Variants in CREB3L2 observed in about 807,000 individuals in gnomAD.
The protein encoded by CREB3L2 is cAMP responsive element binding protein 3 like 2, also known as cyclic AMP-responsive element-binding protein 3-like protein 2.
CREB3L2 carries 23 observed loss-of-function variants against 57.2 expected under a neutral mutation model. That is an observed-to-expected ratio of 0.40 (90% CI 0.29 to 0.57). The LOEUF (loss-of-function observed/expected upper bound fraction) is 0.57, where lower values mean the gene tolerates loss of function less well. Among genes scored for constraint, CREB3L2 ranks in the 20% least tolerant of loss-of-function variants. The pLI is 0.42. For missense variants in CREB3L2, 628 were observed against 634.7 expected (o/e 0.99, Z 0.11); for synonymous variants, 268 against 265.1 (o/e 1.01, Z -0.11).
Position 137,903,891 on chromosome 7 carries a change from T to C in CREB3L2, c.974+68A>G, listed in dbSNP as rs763213314. On this transcript the variant is annotated intron_variant, in intron 7 of 11. Transcript: ENST00000330387. ...GAGGAATTGAACTGCTTCTCCCCGA[T>C]TCTCCGCACACCCATATTTCCCTGT... is the stretch of plus-strand genomic sequence containing the variant. The C allele has an allele frequency of 3.8e-5, 50 of 1,326,062 alleles. No homozygotes were observed. In the Middle Eastern group the frequency reaches 5.5e-4, roughly 15 times the overall value. The allele number at this position is 1,326,062 out of a possible 1,614,324, so 82.1% of individuals were successfully genotyped here.
intron 1 of CREB3L2, among the ~76,000 whole-genome samples, chr7:137,979,922 C>T (rs546208283): frequency 8.5e-5 from 13 of 152,310 alleles, no homozygotes; most frequent in African/African-American, 3.1e-4. Flanking sequence ...GAGGCCACAT[C>T]AGTTTCTTGG....
Position 138,001,899 on chromosome 7 carries a change from T to C in CREB3L2, c.-194A>G, listed in dbSNP as rs548722269. ...GATGGCCAAGCGCTCCCGTCCGGTG[T>C]CCTCGGAGATCCGAGAATCCCCAGG... On this transcript the variant is annotated 5_prime_UTR_variant, in exon 1 of 12. Coordinates refer to ENST00000330387, the MANE Select transcript of CREB3L2 (RefSeq NM_194071.4). This position sits in a 1 kb window ranked among gnomAD's most constrained non-coding sequence, Gnocchi z 4.2. The C allele has an allele frequency of 4.4e-6, 2 of 457,494 alleles. No individual in the cohort carries two copies. Among genetic ancestry groups the C allele is most frequent in the South Asian group, 7.6e-5 (2 of 26,348 alleles). 28.3% of individuals were successfully genotyped at this position (457,494 alleles called of 1,614,324 possible). A position where few individuals can be genotyped will look rare whatever the true frequency, so the allele number is the denominator to read the frequency against.
chr7:137,934,328 A>C (rs1800732386), intron 1 of CREB3L2, among the ~76,000 whole-genome samples: 1 of 152,210 alleles, frequency 6.6e-6, no homozygotes, highest in Non-Finnish European at 1.5e-5. Flanking sequence ...AGGTTCTAAC[A>C]AGTGTAAAAC....
chr7:137,912,952 T>A, intron 4 of CREB3L2, 39 bp downstream of exon 4: 3 of 1,611,020 alleles, frequency 1.9e-6, no homozygotes, highest in Non-Finnish European at 2.5e-6. Flanking sequence ...CCAGAGACCA[T>A]ATCCATAACC....
At chr7:137,974,491 TTGTCAGGGAAGAGATCAGA>T (rs1367125244) in intron 1 of CREB3L2, among the ~76,000 whole-genome samples, 3 of 152,096 alleles carry the variant, frequency 2.0e-5, no homozygotes, top group African/African-American at 7.2e-5. Context: ...GGAGCGCAGA[TTGTCAGGGAAGAGATCAGA>T]TGTCAGGGAA....
At position 137,942,472 on chromosome 7, in the gene CREB3L2, T is replaced by C. The variant is rs536971763; in HGVS notation, c.103-14106A>G. On this transcript the variant is annotated intron_variant, in intron 1 of 11. Coordinates refer to ENST00000330387, the MANE Select transcript of CREB3L2 (RefSeq NM_194071.4). ...AACTCTGCTTCTTTTGGGATAGTGG[T>C]AGTGGTTCAGTGTACCTTAGCTTCA... 2.1e-4 allele frequency among the ~76,000 whole-genome samples: 32 copies of C among 152,310 alleles called. No individual in the cohort carries two copies. The South Asian group carries it at 6.2e-3, about 30-fold the overall frequency.
chr7:137,887,818 C>T (rs967337474), intron 8 of CREB3L2, among the ~76,000 whole-genome samples: 3 of 152,092 alleles, frequency 2.0e-5, no homozygotes, highest in African/African-American at 7.2e-5. Flanking sequence ...GTTAATATCA[C>T]TAATTTAAGT....
At chr7:137,898,866 C>T (rs1432022264) in intron 8 of CREB3L2, among the ~76,000 whole-genome samples, 1 of 142,680 alleles carries the variant, frequency 7.0e-6, no homozygotes, top group Non-Finnish European at 1.5e-5. Context: ...AGTTTGAACA[C>T]ATGGACCTTA....
At chr7:137,954,459 T>C (rs1801167966) in intron 1 of CREB3L2, among the ~76,000 whole-genome samples, 1 of 152,184 alleles carries the variant, frequency 6.6e-6, no homozygotes, top group Admixed American at 6.5e-5. Flanking sequence ...CTAACTATAA[T>C]GGCCACGGCT....
intron 1 of CREB3L2, among the ~76,000 whole-genome samples, chr7:137,973,413 C>A (rs1801552840): frequency 6.6e-6 from 1 of 152,036 alleles, no homozygotes; most frequent in African/African-American, 2.4e-5. Flanking sequence ...CAGCGGCCCA[C>A]CGGCGCCTAT....
chr7:137,938,273 A>T (rs899585691), intron 1 of CREB3L2, among the ~76,000 whole-genome samples: 1 of 152,186 alleles, frequency 6.6e-6, no homozygotes, highest in African/African-American at 2.4e-5. Context: ...GGCAGAGGAC[A>T]TATGGGAAAT....
At chr7:137,996,868 C>A (rs956936955) in intron 1 of CREB3L2, among the ~76,000 whole-genome samples, 1 of 152,216 alleles carries the variant, frequency 6.6e-6, no homozygotes, top group Non-Finnish European at 1.5e-5. Context: ...AGCAGAACTT[C>A]TGTTGTTACT....
intron 8 of CREB3L2, among the ~76,000 whole-genome samples, chr7:137,889,863 C>A (rs369123591): frequency 6.6e-6 from 1 of 152,178 alleles, no homozygotes; most frequent in Non-Finnish European, 1.5e-5. Context: ...GAACTACATA[C>A]GCTAAAATAC....
In CREB3L2 at chr7:138,001,893, C is replaced by A; in HGVS notation, c.-188G>T. 2.1e-6 allele frequency: 1 copy of A among 470,898 alleles called. No homozygotes were observed. Among genetic ancestry groups the A allele is most frequent in the Non-Finnish European group, 3.8e-6 (1 of 264,326 alleles). 29.2% of individuals were successfully genotyped at this position (470,898 alleles called of 1,614,324 possible). On this transcript the variant is annotated 5_prime_UTR_variant, in exon 1 of 12. Transcript: ENST00000330387. This position sits in a 1 kb window ranked among gnomAD's most constrained non-coding sequence, Gnocchi z 4.2. ...AGAGAGGATGGCCAAGCGCTCCCGT[C>A]CGGTGTCCTCGGAGATCCGAGAATC... is the stretch of plus-strand genomic sequence containing the variant.
intron 2 of CREB3L2, among the ~76,000 whole-genome samples, chr7:137,927,060 G>A (rs1800482113): frequency 6.6e-6 from 1 of 152,058 alleles, no homozygotes; most frequent in South Asian, 2.1e-4. Flanking sequence ...GGGAGGCTGA[G>A]GCTGAATGAC....
chr7:137,902,185 C>T (rs1799776277), intron 7 of CREB3L2, among the ~76,000 whole-genome samples: 1 of 110,680 alleles, frequency 9.0e-6, no homozygotes, highest in Non-Finnish European at 1.7e-5. Flanking sequence ...CAGAGCGAGA[C>T]TCTGTCTCCA....
chr7:137,995,044 T>C (rs1040492437), intron 1 of CREB3L2, among the ~76,000 whole-genome samples: 8 of 152,210 alleles, frequency 5.3e-5, no homozygotes, highest in South Asian at 2.1e-4. Context: ...TTTCCAGCCA[T>C]TGGCTTAAGA....
intron 8 of CREB3L2, among the ~76,000 whole-genome samples, chr7:137,892,375 G>C (rs1799543823): frequency 6.6e-6 from 1 of 151,496 alleles, no homozygotes. Context: ...ACTTGGTCAG[G>C]CACGGTAGCT....
At chr7:137,941,292 T>A (rs1349229564) in intron 1 of CREB3L2, among the ~76,000 whole-genome samples, 2 of 152,196 alleles carry the variant, frequency 1.3e-5, no homozygotes, top group African/African-American at 4.8e-5. Context: ...CTAATCCAGA[T>A]ACAAGATGGT....
Sources: gnomAD v4.1 joint callset for allele counts (sites outside exome capture counted in the v4.1 genomes callset) on GRCh38, gnomAD v4.1.1 for gene constraint, Gnocchi (gnomAD v3.1) non-coding constraint, MANE v1.5 for transcripts, NCBI Gene and HGNC (gene_info 2026-07-23, HGNC 2026-07-21) for gene names.